Variants in SEC14L3 observed in about 807,000 individuals in gnomAD.
SEC14L3 encodes SEC14-like protein 3.
SEC14L3 carries 56 observed loss-of-function variants against 57.4 expected under a neutral mutation model. The ratio of observed to expected loss-of-function variants is 0.97; its 90% CI spans 0.79 to 1.22. The LOEUF is 1.22. Among genes scored for constraint, SEC14L3 ranks in the 50% most tolerant of loss-of-function variants. SEC14L3 has a pLI of 0.00. For missense variants in SEC14L3, 485 were observed against 511.7 expected (o/e 0.95, Z 0.50); for synonymous variants, 173 against 194.4 (o/e 0.89, Z 0.92).
At chr22:30,463,802 T>A (rs1032995081) in intron 8 of SEC14L3, among the ~76,000 whole-genome samples, 2 of 152,216 alleles carry the variant, frequency 1.3e-5, no homozygotes, top group Non-Finnish European at 2.9e-5. Context: ...AACACAACTA[T>A]TCTCCTATTT....
At position 30,459,253 on chromosome 22, in the gene SEC14L3, T is replaced by G. The variant is rs1246369097; in HGVS notation, c.*768A>C. ...ATGATAGTTGTTTTCTTTATTATGATTATGCCAGATGTGACTGCCTTTGCT... is the reference window on the plus strand; with the variant it reads ...ATGATAGTTGTTTTCTTTATTATGAGTATGCCAGATGTGACTGCCTTTGCT... On this transcript the variant is annotated 3_prime_UTR_variant, in exon 12 of 12. Coordinates refer to ENST00000215812, the MANE Select transcript of SEC14L3 (RefSeq NM_174975.5). 4.1e-6 allele frequency: 4 copies of G among 984,786 alleles called. No individual in the cohort carries two copies. The African/African-American group carries it at 7.0e-5, about 17-fold the overall frequency. The allele number at this position is 984,786 out of a possible 1,614,324, so 61.0% of individuals were successfully genotyped here.
chr22:30,455,207 A>G (rs1354312110), downstream of SEC14L3, among the ~76,000 whole-genome samples: 1 of 79,722 alleles, frequency 1.3e-5, no homozygotes, highest in African/African-American at 4.5e-5. Flanking sequence ...ATAAATTAAT[A>G]TAAATATTAA....
chr22:30,465,684 T>A (rs1406929468), intron 7 of SEC14L3, among the ~76,000 whole-genome samples: 1 of 152,048 alleles, frequency 6.6e-6, no homozygotes, highest in Non-Finnish European at 1.5e-5. Flanking sequence ...AGCCACTCAA[T>A]CAGTCAACCA....
downstream of SEC14L3, among the ~76,000 whole-genome samples, chr22:30,455,229 T>G (rs1935099981): frequency 3.2e-5 from 4 of 126,784 alleles, no homozygotes; most frequent in South Asian, 6.6e-4. Flanking sequence ...TAATATAATA[T>G]ATAATATTTA....
chr22:30,468,453 C>T (rs1033657022), intron 5 of SEC14L3, 55 bp downstream of exon 5: 121 of 1,392,066 alleles, frequency 8.7e-5, no homozygotes, highest in Non-Finnish European at 1.2e-4. Context: ...GAGACCAATC[C>T]CCCCGGCAGC....
intron 7 of SEC14L3, among the ~76,000 whole-genome samples, chr22:30,465,947 G>C (rs1201318587): frequency 6.6e-6 from 1 of 152,224 alleles, no homozygotes; most frequent in Non-Finnish European, 1.5e-5. Flanking sequence ...ACAGCCCCTG[G>C]CTTCAAGGAG....
chr22:30,461,613 T>C lies in SEC14L3; in HGVS notation c.853A>G (p.Asn285Asp), dbSNP rs1480126663. 3.7e-6 allele frequency: 6 copies of C among 1,614,008 alleles called. No individual in the cohort carries two copies. The highest frequency in any genetic ancestry group is 1.3e-5 in the African/African-American group (1 of 74,978). ...KTQYEHSVQI[N>D]RGSSHQVEYE... Reference sequence around the variant, plus strand: ...TCCACTTGGTGTGATGAGCCGCGGTTGATCTGCACCGAGTGCTCGTACTGA... The same window carrying C: ...TCCACTTGGTGTGATGAGCCGCGGTCGATCTGCACCGAGTGCTCGTACTGA... The change falls in exon 10 of 12, where the codon AAC becomes GAC. Residue 285 changes from asparagine to aspartate, a missense_variant. Physicochemically the swap from Asn to Asp is conservative, Grantham distance 23. Transcript: ENST00000215812.
At chr22:30,451,763 G>A (rs1220644506) in intron 12 of SEC14L3, among the ~76,000 whole-genome samples, 1 of 151,984 alleles carries the variant, frequency 6.6e-6, no homozygotes, top group Non-Finnish European at 1.5e-5. Context: ...GCCAAGGTGG[G>A]CAGATCACTT....
intron 12 of SEC14L3, among the ~76,000 whole-genome samples, chr22:30,451,317 G>A (rs534332734): frequency 4.4e-4 from 67 of 152,106 alleles, no homozygotes; most frequent in Admixed American, 8.5e-4. Flanking sequence ...GGGGTTAGTC[G>A]GGGAGGGGAT....
Position 30,468,653 on chromosome 22 carries a change from C to CG in SEC14L3, c.277dup (p.Arg93ProfsTer2), listed in dbSNP as rs1569231680. The CG allele has an allele frequency of 6.2e-7, 1 of 1,613,902 alleles. No individual in the cohort carries two copies. Among genetic ancestry groups the CG allele is most frequent in the Admixed American group, 1.7e-5 (1 of 60,004 alleles). ...GTCATACCACACGGGGCAGCCATCACGGTCATAGCCACACAGGCCCCCAGG... is the reference window on the plus strand; with the variant it reads ...GTCATACCACACGGGGCAGCCATCACGGGTCATAGCCACACAGGCCCCCAGG... On this transcript the variant is annotated frameshift_variant, in exon 5 of 12. Coordinates refer to ENST00000215812, the MANE Select transcript of SEC14L3 (RefSeq NM_174975.5). LOFTEE classifies it high-confidence loss of function.
chr22:30,458,077 T>C (rs1454767652), downstream of SEC14L3, among the ~76,000 whole-genome samples: 3 of 152,200 alleles, frequency 2.0e-5, no homozygotes, highest in Non-Finnish European at 4.4e-5. Context: ...AGCCCTCCGT[T>C]TGTTTGTTTC....
chr22:30,455,112 T>TAATATATATTATATTA (rs1295071841), downstream of SEC14L3, among the ~76,000 whole-genome samples: 18,405 of 56,820 alleles, frequency 0.32, 2,237 homozygotes, highest in East Asian at 0.42. Context: ...ATTTAATATT[T>TAATATATATTATATTA]AATATTTAAT....
At chr22:30,456,172 A>C (rs988848258), downstream of SEC14L3, among the ~76,000 whole-genome samples, 1 of 151,954 alleles carries the variant, frequency 6.6e-6, no homozygotes, top group African/African-American at 2.4e-5. Flanking sequence ...GGTGGCAGGC[A>C]CATGTGTTCC....
Position 30,459,426 on chromosome 22 carries a change from C to T in SEC14L3, c.*595G>A. Reference sequence around the variant, plus strand: ...TGTGGCTGGGGCCCTCAAAAGACAGCCACTGCCAGAAATCTGGAGACTGAA... The same window carrying T: ...TGTGGCTGGGGCCCTCAAAAGACAGTCACTGCCAGAAATCTGGAGACTGAA... On this transcript the variant is annotated 3_prime_UTR_variant, in exon 12 of 12. Transcript: ENST00000215812. 3 of 985,378 alleles carry T rather than the reference C, an allele frequency of 3.0e-6. No homozygotes were observed. The highest frequency in any genetic ancestry group is 3.6e-6 in the Non-Finnish European group (3 of 829,954). 61.0% of individuals were successfully genotyped at this position (985,378 alleles called of 1,614,324 possible). A position where few individuals can be genotyped will look rare whatever the true frequency, so the allele number is the denominator to read the frequency against.
At position 30,461,664 on chromosome 22, in the gene SEC14L3, T is replaced by C; in HGVS notation, c.802A>G (p.Met268Val). 6.2e-7 allele frequency: 1 copy of C among 1,610,818 alleles called. No homozygotes were observed. The highest frequency in any genetic ancestry group is 8.5e-7 in the Non-Finnish European group (1 of 1,178,072). Reference protein sequence around the residue: ...INYGGEIPKSMYVRDQVKTQY... With the variant: ...INYGGEIPKSVYVRDQVKTQY... ...GTCTTCACCTGGTCCCGCACGTACA[T>C]GGACTTGGGGATCTCCCCGCCATAG... The change falls in exon 10 of 12, where the codon ATG becomes GTG. Residue 268 changes from methionine to valine, a missense_variant. Met to Val is a conservative substitution (Grantham distance 21, BLOSUM62 1). Transcript: ENST00000215812.
At chr22:30,464,972 A>G (rs1935374377) in intron 7 of SEC14L3, 69 bp from the exon 8 acceptor site, 4 of 1,605,848 alleles carry the variant, frequency 2.5e-6, no homozygotes, top group African/African-American at 2.7e-5. Flanking sequence ...CATAATGGTT[A>G]TAGCCAATGA....
chr22:30,469,525 T>A (rs537579022), intron 4 of SEC14L3, among the ~76,000 whole-genome samples: 8 of 152,294 alleles, frequency 5.3e-5, no homozygotes, highest in African/African-American at 1.9e-4. Flanking sequence ...GACGTGACCA[T>A]TACTCTACTA....
chr22:30,466,251 C>T (rs1935411890), intron 7 of SEC14L3, 83 bp downstream of exon 7: 3 of 1,352,624 alleles, frequency 2.2e-6, no homozygotes, highest in Non-Finnish European at 3.1e-6. Context: ...TCACAACAAT[C>T]CTGGGACAAA....
intron 12 of SEC14L3, among the ~76,000 whole-genome samples, chr22:30,450,182 G>A (rs538959707): frequency 3.3e-5 from 5 of 152,322 alleles, no homozygotes; most frequent in Admixed American, 2.6e-4. Context: ...TTGAGGTAGC[G>A]GGGGCATGGA....
Sources: allele counts gnomAD v4.1 joint callset (sites outside exome capture counted in the v4.1 genomes callset), GRCh38; gene constraint gnomAD v4.1.1; transcripts MANE v1.5; gene names NCBI Gene and HGNC (gene_info 2026-07-23, HGNC 2026-07-21).